TRPM6: variants seen among roughly 807,000 people sequenced by gnomAD.
TRPM6 encodes transient receptor potential cation channel subfamily M member 6, also known as channel kinase 2.
A neutral mutation model predicts 247.6 loss-of-function variants in TRPM6; 111 were observed. The observed-to-expected ratio is 0.45, with a 90% CI of 0.38 to 0.52. The LOEUF (loss-of-function observed/expected upper bound fraction) is 0.52, where lower values mean the gene tolerates loss of function less well. Ranked by LOEUF, TRPM6 falls within the 20% of genes least tolerant of loss-of-function variation. The pLI is 0.00. For missense variants in TRPM6, 2,126 were observed against 2,421.5 expected (o/e 0.88, Z 2.56); for synonymous variants, 892 against 853.8 (o/e 1.04, Z -0.78).
At chr9:74,737,710 G>A (rs1026301238) in intron 36 of TRPM6, among the ~76,000 whole-genome samples, 3 of 152,094 alleles carry the variant, frequency 2.0e-5, no homozygotes, top group Admixed American at 2.0e-4. Context: ...GATTAAATGA[G>A]GTAACTTCTA....
chr9:74,739,786 A>G lies in TRPM6; in HGVS notation c.5424T>C (p.Pro1808=), dbSNP rs140812450. 1.0e-4 allele frequency: 168 copies of G among 1,614,144 alleles called. No individual in the cohort carries two copies. The African/African-American group carries it at 2.1e-3, about 20-fold the overall frequency. The stretch of plus-strand genomic sequence containing the variant: ...TTTTATGCCATGTCCGCACAACCTC[A>G]GGAAGAAAGGACTTGACAATGAAAA... ...GQVFIVKSFL[P]EVVRTWHKIF... Residue 1808 remains proline (P), a synonymous_variant, in exon 34 of 39, where the codon CCT becomes CCC. Transcript: ENST00000360774.
chr9:74,866,290 T>C (rs1830841722), intron 1 of TRPM6, among the ~76,000 whole-genome samples: 1 of 152,262 alleles, frequency 6.6e-6, no homozygotes, highest in Admixed American at 6.5e-5. Context: ...AACTGGATTT[T>C]GCTCCTTAAA....
intron 22 of TRPM6, 84 bp from the exon 23 acceptor site, chr9:74,782,560 G>A: frequency 6.9e-7 from 1 of 1,444,510 alleles, no homozygotes; most frequent in Non-Finnish European, 9.7e-7. Context: ...CACATTAACT[G>A]CACAGAATAC....
chr9:74,748,156 C>A (rs377485975), intron 30 of TRPM6, among the ~76,000 whole-genome samples: 1 of 152,162 alleles, frequency 6.6e-6, no homozygotes, highest in Non-Finnish European at 1.5e-5. Context: ...GATGTCTTAG[C>A]CATCATAATG....
intron 13 of TRPM6, 116 bp downstream of exon 13, chr9:74,810,699 A>C (rs1398372436): frequency 1.2e-6 from 1 of 858,454 alleles, no homozygotes; most frequent in African/African-American, 1.7e-5. Flanking sequence ...TAAAGAAGAT[A>C]GGTAATTAAC....
At chr9:74,784,950 A>C (rs1247341786) in intron 21 of TRPM6, among the ~76,000 whole-genome samples, 1 of 152,066 alleles carries the variant, frequency 6.6e-6, no homozygotes, top group Admixed American at 6.6e-5. Flanking sequence ...TGTCTATATA[A>C]ATAATAAAAA....
chr9:74,764,496 A>G (rs1210950569), intron 25 of TRPM6, among the ~76,000 whole-genome samples: 4 of 152,238 alleles, frequency 2.6e-5, no homozygotes, highest in African/African-American at 9.6e-5. Flanking sequence ...AGCAAACACC[A>G]GAAGCTAGAA....
intron 23 of TRPM6, among the ~76,000 whole-genome samples, chr9:74,781,170 A>T (rs1364138905): frequency 6.6e-6 from 1 of 152,142 alleles, no homozygotes; most frequent in African/African-American, 2.4e-5. Context: ...GCTCAGGGAC[A>T]TTCCAATGTT....
chr9:74,763,205 A>G, intron 25 of TRPM6, 71 bp from the exon 26 acceptor site: 1 of 1,466,278 alleles, frequency 6.8e-7, no homozygotes, highest in Non-Finnish European at 9.4e-7. Context: ...TTCCTACCCT[A>G]CTTCCATCCT....
At chr9:74,814,179 A>G (rs1047529811) in intron 11 of TRPM6, among the ~76,000 whole-genome samples, 5 of 152,144 alleles carry the variant, frequency 3.3e-5, no homozygotes, top group Admixed American at 3.3e-4. Context: ...TGCTGTCACA[A>G]ATTAATAGAC....
At chr9:74,856,266 T>C (rs1179002854) in intron 2 of TRPM6, among the ~76,000 whole-genome samples, 2 of 151,994 alleles carry the variant, frequency 1.3e-5, no homozygotes, top group African/African-American at 4.8e-5. Context: ...TAATGAGACC[T>C]TGACTCTTAT....
At chr9:74,848,166 G>A (rs1323627648) in intron 3 of TRPM6, among the ~76,000 whole-genome samples, 3 of 152,184 alleles carry the variant, frequency 2.0e-5, no homozygotes, top group Non-Finnish European at 2.9e-5. Context: ...AGCAACCTCA[G>A]CTAACTTTTA....
intron 21 of TRPM6, 138 bp downstream of exon 21, chr9:74,785,736 G>A: frequency 1.1e-6 from 1 of 933,574 alleles, no homozygotes. Flanking sequence ...TGTTAGCCAG[G>A]ATGTTCTTGA....
chr9:74,765,402 T>C (rs1047525160), intron 25 of TRPM6, among the ~76,000 whole-genome samples: 3 of 151,732 alleles, frequency 2.0e-5, no homozygotes, highest in African/African-American at 7.3e-5. Context: ...TGGAAATATG[T>C]GGAAGACTAA....
rs144897983 is a variant in TRPM6, at chr9:74,851,143, T to C, written c.152+4384A>G. On this transcript the variant is annotated intron_variant, in intron 3 of 38. Coordinates refer to ENST00000360774, the MANE Select transcript of TRPM6 (RefSeq NM_017662.5). ...TTCATTAAATTGTAGCAAGGTCCCATAGAAGAAACAGACCTCCAAAATTAA... is the reference window on the plus strand; with the variant it reads ...TTCATTAAATTGTAGCAAGGTCCCACAGAAGAAACAGACCTCCAAAATTAA... 8.9e-4 allele frequency among the ~76,000 whole-genome samples: 136 copies of C among 152,322 alleles called. 1 individual carries two copies. The highest frequency in any genetic ancestry group is 2.8e-3 in the African/African-American group (118 of 41,574).
At chr9:74,810,764 A>G (rs1291185819) in intron 13 of TRPM6, 51 bp downstream of exon 13, 1 of 1,553,358 alleles carries the variant, frequency 6.4e-7, no homozygotes, top group South Asian at 1.1e-5. Context: ...CCTCCAACAC[A>G]AAGCTAAGGC....
At chr9:74,873,668 C>T (rs1831098423) in intron 1 of TRPM6, among the ~76,000 whole-genome samples, 1 of 152,096 alleles carries the variant, frequency 6.6e-6, no homozygotes, top group African/African-American at 2.4e-5. Context: ...ATCCCCTCCC[C>T]TAAATCATTT....
In TRPM6 at chr9:74,858,664, T is replaced by C; in HGVS notation, c.113+5A>G. 6.2e-7 allele frequency: 1 copy of C among 1,607,850 alleles called. No homozygotes were observed. Among genetic ancestry groups the C allele is most frequent in the Non-Finnish European group, 8.5e-7 (1 of 1,175,052 alleles). On this transcript the variant is annotated splice_donor_5th_base_variant and intron_variant, in intron 2 of 38. Transcript: ENST00000360774. ...TTAAAAGAAGAAGGTAATTGAAAAT[T>C]TTACCTGTGAGGATTTTTTGAGCTG...
At chr9:74,874,940 AC>A (rs1468542868) in intron 1 of TRPM6, among the ~76,000 whole-genome samples, 1 of 147,306 alleles carries the variant, frequency 6.8e-6, no homozygotes, top group East Asian at 2.0e-4. Context: ...TTTTTTTGCT[AC>A]TTTTAGTAGA....
Sources: allele counts gnomAD v4.1 joint callset (sites outside exome capture counted in the v4.1 genomes callset), GRCh38; gene constraint gnomAD v4.1.1; transcripts MANE v1.5; gene names NCBI Gene and HGNC (gene_info 2026-07-23, HGNC 2026-07-21).